The following TAFA5 variants were observed in gnomAD, a reference collection of about 807,000 sequenced individuals.
TAFA5 encodes chemokine-like protein TAFA-5.
Under a neutral mutation model 15.3 loss-of-function variants are expected in TAFA5, and 6 were observed. That is an observed-to-expected ratio of 0.39 (90% CI 0.21 to 0.77). The LOEUF (loss-of-function observed/expected upper bound fraction) is 0.77, where lower values mean the gene tolerates loss of function less well. TAFA5 is among the 30% of genes least tolerant of loss of function. TAFA5 has a pLI of 0.41. For missense variants in TAFA5, 161 were observed against 193.1 expected (o/e 0.83, Z 0.98); for synonymous variants, 103 against 80.7 (o/e 1.28, Z -1.48).
At position 48,708,959 on chromosome 22, in the gene TAFA5, G is replaced by A. The variant is rs1367171741; in HGVS notation, c.390+1115G>A. ...GTGGAGTTGCTGCAAGGAGAACCAC[G>A]GATCCCTGGGGTTCTAACGTAATTC... On this transcript the variant is annotated intron_variant, in intron 3 of 3. Transcript: ENST00000402357. 2.6e-5 allele frequency among the ~76,000 whole-genome samples: 4 copies of A among 152,154 alleles called. No individual in the cohort carries two copies. In the East Asian group the frequency reaches 5.8e-4, roughly 22 times the overall value.
At chr22:48,583,782 CAAACATA>C (rs1924202663) in intron 1 of TAFA5, among the ~76,000 whole-genome samples, 1 of 150,946 alleles carries the variant, frequency 6.6e-6, no homozygotes, top group Non-Finnish European at 1.5e-5. Flanking sequence ...ATATACCATG[CAAACATA>C]CCACACAGCA....
chr22:48,746,890 C>G (rs755356234), intron 3 of TAFA5, among the ~76,000 whole-genome samples: 18 of 152,174 alleles, frequency 1.2e-4, no homozygotes, highest in Non-Finnish European at 1.9e-4. Context: ...CGGCAGCCAT[C>G]CTCAGGCAGC....
At chr22:48,512,566 C>T (rs1921253800) in intron 1 of TAFA5, among the ~76,000 whole-genome samples, 1 of 151,908 alleles carries the variant, frequency 6.6e-6, no homozygotes, top group Non-Finnish European at 1.5e-5. Flanking sequence ...TGAGATCACA[C>T]CACTGGCTGA....
At chr22:48,506,576 C>G (rs1448075102) in intron 1 of TAFA5, among the ~76,000 whole-genome samples, 1 of 152,180 alleles carries the variant, frequency 6.6e-6, no homozygotes, top group Non-Finnish European at 1.5e-5. Flanking sequence ...TCTGTGCCAC[C>G]GTTCCGTAGC....
chr22:48,511,155 G>A lies in TAFA5; in HGVS notation c.112+21451G>A, dbSNP rs541428448. ...AGCAGGGACAGCCCTGGAGGAGGCC[G>A]CTGGGGATCCCAGACCCCAATGACT... is the stretch of plus-strand genomic sequence containing the variant. On this transcript the variant is annotated intron_variant, in intron 1 of 3. Coordinates refer to ENST00000402357, the MANE Select transcript of TAFA5 (RefSeq NM_001082967.3). 3.3e-5 allele frequency among the ~76,000 whole-genome samples: 5 copies of A among 152,330 alleles called. No homozygotes were observed. The East Asian group carries it at 7.7e-4, about 24-fold the overall frequency.
intron 1 of TAFA5, among the ~76,000 whole-genome samples, chr22:48,491,704 G>T (rs1195087853): frequency 1.3e-5 from 2 of 152,234 alleles, no homozygotes; most frequent in African/African-American, 4.8e-5. Context: ...TCAGCACGTT[G>T]TTCATCCGGA....
rs114358306 is a variant in TAFA5 at position 48,724,150 on chromosome 22, G to A, written c.390+16306G>A. 6.8e-3 allele frequency among the ~76,000 whole-genome samples: 876 copies of A among 128,150 alleles called. 8 individuals are homozygous for A. The highest frequency in any genetic ancestry group is 0.022 in the African/African-American group (839 of 37,490). The allele number at this position is 128,150 out of a possible 152,430, so 84.1% of individuals were successfully genotyped here. On this transcript the variant is annotated intron_variant, in intron 3 of 3. Transcript: ENST00000402357. The stretch of plus-strand genomic sequence containing the variant: ...GCAGTAGGAGAGACTTGGGGTTCTC[G>A]TTGCATTGCTGCAAGCAGGAGAGAC...
chr22:48,567,399 C>T (rs1374606659), intron 1 of TAFA5, among the ~76,000 whole-genome samples: 1 of 152,152 alleles, frequency 6.6e-6, no homozygotes, highest in African/African-American at 2.4e-5. Context: ...AAGGACAATC[C>T]CCACTTTGAG....
intron 3 of TAFA5, among the ~76,000 whole-genome samples, chr22:48,737,509 G>C (rs1930063393): frequency 6.6e-6 from 1 of 152,174 alleles, no homozygotes; most frequent in South Asian, 2.1e-4. Context: ...GGTCGCCCCT[G>C]ATGCCAGCCG....
chr22:48,590,650 C>T (rs982746003), intron 1 of TAFA5, among the ~76,000 whole-genome samples: 2 of 152,116 alleles, frequency 1.3e-5, no homozygotes, highest in Admixed American at 1.3e-4. Flanking sequence ...TGAGAGCCCA[C>T]CGGCTGGTGT....
intron 2 of TAFA5, among the ~76,000 whole-genome samples, chr22:48,670,372 C>G (rs914187956): frequency 2.9e-4 from 44 of 152,214 alleles, no homozygotes; most frequent in African/African-American, 8.0e-4. Context: ...CTTGCTGGAC[C>G]AAGGCGCGGA....
chr22:48,671,485 T>C (rs546988724), intron 2 of TAFA5, among the ~76,000 whole-genome samples: 3 of 152,342 alleles, frequency 2.0e-5, no homozygotes, highest in African/African-American at 7.2e-5. Context: ...GAGTGCTCCC[T>C]GCTTTCTTCA....
chr22:48,537,677 T>C (rs924057081), intron 1 of TAFA5, among the ~76,000 whole-genome samples: 1 of 152,132 alleles, frequency 6.6e-6, no homozygotes, highest in African/African-American at 2.4e-5. Flanking sequence ...CAGCAGGCAC[T>C]GCAGCCAGGG....
intron 3 of TAFA5, among the ~76,000 whole-genome samples, chr22:48,744,944 C>T (rs1282812902): frequency 2.0e-5 from 3 of 152,090 alleles, no homozygotes; most frequent in Non-Finnish European, 2.9e-5. Flanking sequence ...TTAGTAGAGA[C>T]GGGGTTTCAC....
At chr22:48,600,782 C>T (rs1924939812) in intron 1 of TAFA5, among the ~76,000 whole-genome samples, 1 of 152,184 alleles carries the variant, frequency 6.6e-6, no homozygotes, top group South Asian at 2.1e-4. Flanking sequence ...GGGCATGAAT[C>T]GTCCCTTTGT....
chr22:48,640,700 A>G (rs921985789), intron 1 of TAFA5, among the ~76,000 whole-genome samples: 2 of 152,184 alleles, frequency 1.3e-5, no homozygotes, highest in East Asian at 1.9e-4. Flanking sequence ...TCTGCCTGTC[A>G]GGGGTCTTCT....
intron 3 of TAFA5, among the ~76,000 whole-genome samples, chr22:48,745,856 G>A (rs1241659131): frequency 1.3e-5 from 2 of 152,176 alleles, no homozygotes; most frequent in Admixed American, 6.5e-5. Context: ...GCAGCACCAC[G>A]GGAAGGAAGG....
chr22:48,706,830 G>A lies in TAFA5; in HGVS notation c.263-887G>A, dbSNP rs199975300. Among the ~76,000 whole-genome samples the A allele has an allele frequency of 6.6e-5, 10 of 152,322 alleles. No homozygotes were observed. The East Asian group carries it at 1.9e-3, about 29-fold the overall frequency. ...GTTCTTTTGAGATTCCCGCAGCGAA[G>A]GTTATGTTAATACAATCAGCTTTTA... On this transcript the variant is annotated intron_variant, in intron 2 of 3. Coordinates refer to ENST00000402357, the MANE Select transcript of TAFA5 (RefSeq NM_001082967.3).
At chr22:48,542,002 A>G (rs1444924981) in intron 1 of TAFA5, among the ~76,000 whole-genome samples, 1 of 152,106 alleles carries the variant, frequency 6.6e-6, no homozygotes, top group Non-Finnish European at 1.5e-5. Flanking sequence ...AGCATCAATC[A>G]GCCGCTGTGG....
Sources: gnomAD v4.1 joint callset for allele counts (sites outside exome capture counted in the v4.1 genomes callset) on GRCh38, gnomAD v4.1.1 for gene constraint, MANE v1.5 for transcripts, NCBI Gene and HGNC (gene_info 2026-07-23, HGNC 2026-07-21) for gene names.